The following TAF3 variants were observed in gnomAD, a reference collection of about 807,000 sequenced individuals.
The protein encoded by TAF3 is TATA-box binding protein associated factor 3.
Under a neutral mutation model 80.6 loss-of-function variants are expected in TAF3, and 7 were observed. That is an observed-to-expected ratio of 0.09 (90% CI 0.05 to 0.16). The LOEUF (loss-of-function observed/expected upper bound fraction) is 0.16. Among genes scored for constraint, TAF3 ranks in the 10% least tolerant of loss-of-function variants. The probability of loss-of-function intolerance (pLI) is 1.00; values close to 1 mark genes in which losing one functional copy is unlikely to be tolerated. For missense variants in TAF3, 921 were observed against 1,140.2 expected (o/e 0.81, Z 2.77); for synonymous variants, 444 against 446.1 (o/e 1.00, Z 0.06).
At chr10:7,860,587 A>G (rs1312785) in intron 2 of TAF3, among the ~76,000 whole-genome samples, 96,822 of 152,028 alleles carry the variant, frequency 0.64, 31,318 homozygotes, top group South Asian at 0.88. Flanking sequence ...AAAACAAAAA[A>G]GATAAATGCT....
rs1836685231 is a variant in TAF3, at chr10:7,821,033, C to G, written c.166+2158C>G. On this transcript the variant is annotated intron_variant, in intron 1 of 6. Transcript: ENST00000344293. Reference sequence around the variant, plus strand: ...AAATGTCTCCTGAATACATAGTTACCTTTACTGCCATTTATACAAAACAGA... The same window carrying G: ...AAATGTCTCCTGAATACATAGTTACGTTTACTGCCATTTATACAAAACAGA... Among the ~76,000 whole-genome samples the G allele has an allele frequency of 2.6e-5, 4 of 152,218 alleles. No homozygotes were observed. The South Asian group carries it at 8.3e-4, about 32-fold the overall frequency.
chr10:7,964,556 G>C lies in TAF3; in HGVS notation c.1046G>C (p.Ser349Thr), dbSNP rs17366712. ...TPNRTPSATL[S>T]EKISKETIQV... Reference sequence around the variant, plus strand: ...AACAGGACTCCTTCAGCTACACTCAGTGAAAAAATCAGTAAAGAGACTATC... The same window carrying C: ...AACAGGACTCCTTCAGCTACACTCACTGAAAAAATCAGTAAAGAGACTATC... The change falls in exon 3 of 7, where the codon AGT (serine) becomes ACT (threonine). Residue 349 changes from serine (S) to threonine (T), a missense_variant. Around this residue, in one of 6 missense-constraint regions of TAF3, gnomAD observed 743 missense variants for 821.0 expected, o/e 0.90. Transcript: ENST00000344293. The surrounding 1 kb of genome is among the most constrained non-coding windows in gnomAD (Gnocchi z 4.1). The C allele has an allele frequency of 0.044, 70,256 of 1,613,814 alleles. 1,730 individuals carry two copies. Among genetic ancestry groups the C allele is most frequent in the Non-Finnish European group, 0.049 (58,199 of 1,179,882 alleles).
chr10:8,004,170 C>G (rs1048399122), intron 4 of TAF3, among the ~76,000 whole-genome samples: 3 of 152,036 alleles, frequency 2.0e-5, no homozygotes, highest in Non-Finnish European at 4.4e-5. Flanking sequence ...CCTGCCTCCT[C>G]CTCTGGAGTA....
rs1304775319 is a variant in TAF3, at chr10:7,964,726, C to T, written c.1216C>T (p.Pro406Ser). ...AGCCTGTGCTGAGCGAGAGCCAGAT[C>T]CTTTCGAATTTTCTTCTGGATCGGA... ...ARACAEREPD[P>S]FEFSSGSESE... The change falls in exon 3 of 7, where the codon CCT becomes TCT. Residue 406 changes from proline (P) to serine (S), a missense_variant. By Grantham distance (74) the Pro-to-Ser change is moderately conservative (BLOSUM62 -1). Around this residue, in one of 6 missense-constraint regions of TAF3, gnomAD observed 743 missense variants for 821.0 expected, o/e 0.90. Coordinates refer to ENST00000344293, the MANE Select transcript of TAF3 (RefSeq NM_031923.4). This position sits in a 1 kb window ranked among gnomAD's most constrained non-coding sequence, Gnocchi z 4.1. 3 of 1,614,158 alleles carry T rather than the reference C, an allele frequency of 1.9e-6. No homozygotes were observed. Among genetic ancestry groups the T allele is most frequent in the Non-Finnish European group, 2.5e-6 (3 of 1,180,030 alleles).
intron 2 of TAF3, among the ~76,000 whole-genome samples, chr10:7,896,185 A>G (rs904139741): frequency 1.3e-5 from 2 of 152,196 alleles, no homozygotes; most frequent in Non-Finnish European, 2.9e-5. Context: ...TAAGGTAAAA[A>G]CAACTCTGTT....
intron 2 of TAF3, among the ~76,000 whole-genome samples, chr10:7,849,998 G>A (rs1564347329): frequency 6.6e-6 from 1 of 152,082 alleles, no homozygotes; most frequent in African/African-American, 2.4e-5. Context: ...AACTTTTGAT[G>A]TTAAAAAATA....
intron 2 of TAF3, among the ~76,000 whole-genome samples, chr10:7,853,421 C>G (rs985785541): frequency 2.0e-5 from 3 of 152,064 alleles, no homozygotes; most frequent in African/African-American, 7.2e-5. Flanking sequence ...GATTTATTGT[C>G]TTTTTTATTG....
At chr10:7,889,553 A>T (rs1837439869) in intron 2 of TAF3, among the ~76,000 whole-genome samples, 1 of 152,096 alleles carries the variant, frequency 6.6e-6, no homozygotes, top group African/African-American at 2.4e-5. Context: ...CTTGATTTTA[A>T]CCACTCTTGG....
intron 2 of TAF3, among the ~76,000 whole-genome samples, chr10:7,846,431 G>A (rs996697882): frequency 6.6e-6 from 1 of 151,850 alleles, no homozygotes; most frequent in African/African-American, 2.4e-5. Context: ...AGTTCTTCTG[G>A]TACCAACATT....
intron 1 of TAF3, among the ~76,000 whole-genome samples, chr10:7,821,730 G>A (rs1006371379): frequency 6.6e-6 from 1 of 152,208 alleles, no homozygotes; most frequent in Non-Finnish European, 1.5e-5. Flanking sequence ...TTCAACACTA[G>A]TACTGTAATA....
At chr10:7,904,099 T>C (rs932813517) in intron 2 of TAF3, among the ~76,000 whole-genome samples, 1 of 152,074 alleles carries the variant, frequency 6.6e-6, no homozygotes, top group Admixed American at 6.6e-5. Context: ...AGAAGCCAGT[T>C]TAGAGAGGCC....
intron 2 of TAF3, among the ~76,000 whole-genome samples, chr10:7,882,144 A>C (rs553533616): frequency 4.6e-5 from 7 of 152,230 alleles, no homozygotes; most frequent in African/African-American, 1.4e-4. Context: ...AACAATTATA[A>C]ATTTCAAGAT....
intron 2 of TAF3, among the ~76,000 whole-genome samples, chr10:7,907,106 T>C (rs1012968809): frequency 1.1e-4 from 17 of 152,268 alleles, no homozygotes; most frequent in East Asian, 1.9e-4. Context: ...CAGCAATTTT[T>C]GTAAAATGTC....
intron 2 of TAF3, among the ~76,000 whole-genome samples, chr10:7,837,417 C>T (rs1459392639): frequency 6.6e-6 from 1 of 150,756 alleles, no homozygotes; most frequent in Non-Finnish European, 1.5e-5. Context: ...TTGAGGCGGG[C>T]TGATCACTTG....
intron 2 of TAF3, among the ~76,000 whole-genome samples, chr10:7,836,776 A>T (rs1399738099): frequency 6.6e-6 from 1 of 152,198 alleles, no homozygotes; most frequent in Non-Finnish European, 1.5e-5. Flanking sequence ...CCTTTGTTTA[A>T]ACCTTTATCT....
chr10:7,870,826 C>G (rs554972030), intron 2 of TAF3, among the ~76,000 whole-genome samples: 5 of 152,198 alleles, frequency 3.3e-5, no homozygotes, highest in Admixed American at 3.3e-4. Flanking sequence ...CCCTGCCACC[C>G]CCACTCCATA....
intron 3 of TAF3, among the ~76,000 whole-genome samples, chr10:7,971,469 A>G (rs1379909973): frequency 6.9e-6 from 1 of 145,602 alleles, no homozygotes; most frequent in Admixed American, 6.9e-5. Context: ...TTTTTTTTTA[A>G]TGAAAGGAGT....
intron 2 of TAF3, among the ~76,000 whole-genome samples, chr10:7,934,627 T>C (rs112630087): frequency 0.011 from 1,668 of 152,168 alleles, 21 homozygotes; most frequent in Middle Eastern, 0.031. Context: ...GTATTTTTAG[T>C]AGGGACGGAG....
intron 2 of TAF3, among the ~76,000 whole-genome samples, chr10:7,930,258 C>T (rs1483972477): frequency 6.6e-6 from 1 of 151,968 alleles, no homozygotes; most frequent in Non-Finnish European, 1.5e-5. Flanking sequence ...GTTACATAAG[C>T]AAGATACATA....
Sources: gnomAD v4.1 joint callset for allele counts (sites outside exome capture counted in the v4.1 genomes callset) on GRCh38, gnomAD v4.1.1 for gene constraint, gnomAD v4.1.1 regional missense constraint, Gnocchi (gnomAD v3.1) non-coding constraint, MANE v1.5 for transcripts, NCBI Gene and HGNC (gene_info 2026-07-23, HGNC 2026-07-21) for gene names.